Variants in ST3GAL3 observed in about 807,000 individuals in gnomAD.
ST3GAL3 encodes ST3 beta-galactoside alpha-2,3-sialyltransferase 3.
In ST3GAL3, 21 loss-of-function variants were observed where a neutral mutation model predicts 50.1. That is an observed-to-expected ratio of 0.42 (90% CI 0.30 to 0.60). ST3GAL3 has a LOEUF of 0.60. Ranked by LOEUF, ST3GAL3 falls within the 20% of genes least tolerant of loss-of-function variation. ST3GAL3 has a pLI of 0.19. For synonymous variants in ST3GAL3, 183 were observed against 190.0 expected (o/e 0.96, Z 0.30); for missense variants, 353 against 489.4 (o/e 0.72, Z 2.63).
chr1:43,902,553 C>T (rs2078466588), intron 9 of ST3GAL3, among the ~76,000 whole-genome samples: 1 of 152,198 alleles, frequency 6.6e-6, no homozygotes, highest in South Asian at 2.1e-4. Context: ...GACAGTGGCA[C>T]TGATATCTCC....
At chr1:43,865,244 T>G (rs1483849663) in intron 5 of ST3GAL3, among the ~76,000 whole-genome samples, 3 of 152,112 alleles carry the variant, frequency 2.0e-5, no homozygotes, top group Non-Finnish European at 4.4e-5. Flanking sequence ...GGTTTCGATC[T>G]CCTGACCTCA....
intron 4 of ST3GAL3, among the ~76,000 whole-genome samples, chr1:43,817,755 T>TCTTC (rs2061557492): frequency 2.7e-5 from 1 of 36,810 alleles, no homozygotes; most frequent in Admixed American, 2.0e-4. Context: ...TTCTTCCTCC[T>TCTTC]CTTCTTCCTC....
At chr1:43,720,020 A>T (rs1321256910) in intron 1 of ST3GAL3, among the ~76,000 whole-genome samples, 2 of 146,774 alleles carry the variant, frequency 1.4e-5, no homozygotes, top group Admixed American at 6.8e-5. Context: ...AAGTGGGAGG[A>T]TTACTTGAGC....
intron 2 of ST3GAL3, chr1:43,743,845 C>CG (rs1491049882): frequency 1.7e-4 from 3 of 17,378 alleles, no homozygotes; most frequent in South Asian, 8.1e-4. Flanking sequence ...TCTTTCATTC[C>CG]CCCCCCCCCC....
At chr1:43,919,112 C>G (rs1374774342) in intron 9 of ST3GAL3, 1 of 110,000 alleles carries the variant, frequency 9.1e-6, no homozygotes, top group South Asian at 3.2e-4. Flanking sequence ...GAGTCTCGCT[C>G]TGTCGCCCAG....
intron 5 of ST3GAL3, among the ~76,000 whole-genome samples, chr1:43,882,667 A>G (rs2075337363): frequency 6.6e-6 from 1 of 152,220 alleles, no homozygotes; most frequent in Non-Finnish European, 1.5e-5. Flanking sequence ...TTTGTGGGCC[A>G]TATAGTCTCT....
At chr1:43,927,320 C>T (rs1055835817) in intron 11 of ST3GAL3, among the ~76,000 whole-genome samples, 1 of 152,124 alleles carries the variant, frequency 6.6e-6, no homozygotes, top group African/African-American at 2.4e-5. Context: ...AGTAAAACTC[C>T]ATCTCAAAAA....
intron 5 of ST3GAL3, among the ~76,000 whole-genome samples, chr1:43,863,000 G>A (rs908119828): frequency 4.6e-5 from 7 of 152,114 alleles, no homozygotes; most frequent in African/African-American, 9.7e-5. Flanking sequence ...TGAGTTTGAC[G>A]GTCTCCCTCA....
chr1:43,845,396 T>G (rs1315833845), intron 5 of ST3GAL3, among the ~76,000 whole-genome samples: 1 of 152,116 alleles, frequency 6.6e-6, no homozygotes, highest in Non-Finnish European at 1.5e-5. Context: ...GTTTTGCCTT[T>G]CTTCTAAGTT....
Position 43,723,677 on chromosome 1 carries a change from T to G in ST3GAL3, c.-30-12556T>G, listed in dbSNP as rs533413663. On this transcript the variant is annotated intron_variant, in intron 1 of 11. Coordinates refer to ENST00000347631, the MANE Select transcript of ST3GAL3 (RefSeq NM_006279.5). ...CCCAGGATGGAGTGCAGTGGCATGA[T>G]CTCAGCTCACTGCAACCTCTGCCTC... 1.2e-4 allele frequency among the ~76,000 whole-genome samples: 18 copies of G among 152,282 alleles called. No individual in the cohort carries two copies. In the South Asian group the frequency reaches 3.1e-3, roughly 26 times the overall value.
intron 5 of ST3GAL3, among the ~76,000 whole-genome samples, chr1:43,878,726 G>A (rs796803669): frequency 6.6e-5 from 10 of 152,322 alleles, no homozygotes; most frequent in African/African-American, 2.4e-4. Context: ...CATTGCCCAT[G>A]TGGAAATATT....
chr1:43,902,677 CA>C (rs1253684044), intron 9 of ST3GAL3, among the ~76,000 whole-genome samples: 1 of 152,192 alleles, frequency 6.6e-6, no homozygotes, highest in Non-Finnish European at 1.5e-5. Context: ...AGAAGAGCAC[CA>C]GCGGATGGGC....
intron 1 of ST3GAL3, among the ~76,000 whole-genome samples, chr1:43,710,963 A>G (rs1028008305): frequency 1.1e-4 from 17 of 152,254 alleles, no homozygotes; most frequent in African/African-American, 3.6e-4. Context: ...CCAACTTTGT[A>G]CATAGTAGGT....
chr1:43,866,962 T>A (rs2071468889), intron 5 of ST3GAL3, among the ~76,000 whole-genome samples: 1 of 152,144 alleles, frequency 6.6e-6, no homozygotes, highest in African/African-American at 2.4e-5. Flanking sequence ...AAACCCCGTC[T>A]CTACTAAAAA....
intron 2 of ST3GAL3, among the ~76,000 whole-genome samples, chr1:43,757,059 C>T (rs1688399683): frequency 6.6e-6 from 1 of 152,120 alleles, no homozygotes; most frequent in Non-Finnish European, 1.5e-5. Flanking sequence ...CACCCACCAC[C>T]ACGCCTAGCT....
rs755589753 is a variant in ST3GAL3 at position 43,899,487 on chromosome 1, C to T, written c.558-54C>T. ...CTCCATGCCTGGGATAGTCTGGGGT[C>T]ATGGTGCCTTCCCAAACACAGGCCC... On this transcript the variant is annotated intron_variant, in intron 8 of 11. Transcript: ENST00000347631. The surrounding 1 kb of genome is among the most constrained non-coding windows in gnomAD (Gnocchi z 5.4). The T allele has an allele frequency of 6.2e-7, 1 of 1,605,068 alleles. No homozygotes were observed.
chr1:43,765,743 CTGTGTGTGTCTG>C (rs1403837673), intron 2 of ST3GAL3, among the ~76,000 whole-genome samples: 6,255 of 140,504 alleles, frequency 0.045, 152 homozygotes, highest in South Asian at 0.084. Context: ...ATGTGTGTGT[CTGTGTGTGTCTG>C]TGTGTGTGTG....
At position 43,923,642 on chromosome 1, in the gene ST3GAL3, G is replaced by A. The variant is rs532786429; in HGVS notation, c.1038+2714G>A. On this transcript the variant is annotated intron_variant, in intron 11 of 11. Transcript: ENST00000347631. Reference sequence around the variant, plus strand: ...CTCTCTCTTTTCTTTTTGAGATAGGGTTTCACTCTGTTGCCCAAGCTGGAG... The same window carrying A: ...CTCTCTCTTTTCTTTTTGAGATAGGATTTCACTCTGTTGCCCAAGCTGGAG... 4.6e-5 allele frequency among the ~76,000 whole-genome samples: 7 copies of A among 152,186 alleles called. No homozygotes were observed. In the East Asian group the frequency reaches 7.7e-4, roughly 17 times the overall value.
intron 9 of ST3GAL3, among the ~76,000 whole-genome samples, chr1:43,907,461 G>A (rs2079995840): frequency 1.3e-5 from 2 of 152,120 alleles, no homozygotes; most frequent in Non-Finnish European, 1.5e-5. Flanking sequence ...TGTCCTGTCC[G>A]GGGTCCTTGA....
Sources: allele counts gnomAD v4.1 joint callset (sites outside exome capture counted in the v4.1 genomes callset), GRCh38; gene constraint gnomAD v4.1.1; non-coding constraint Gnocchi (gnomAD v3.1); transcripts MANE v1.5; gene names NCBI Gene and HGNC (gene_info 2026-07-23, HGNC 2026-07-21).